Variants in ABCG2 observed in about 807,000 individuals in gnomAD.
ABCG2 encodes the protein ATP binding cassette subfamily G member 2 (JR blood group), also known as broad substrate specificity ATP-binding cassette transporter ABCG2.
Under a neutral mutation model 73.5 loss-of-function variants are expected in ABCG2, and 80 were observed. The ratio of observed to expected loss-of-function variants is 1.09; its 90% CI spans 0.91 to 1.31. The LOEUF (loss-of-function observed/expected upper bound fraction) is 1.31. Ranked by LOEUF, ABCG2 falls within the 50% of genes most tolerant of loss-of-function variation. The pLI, the probability that ABCG2 is intolerant of heterozygous loss-of-function variation, is 0.00. For synonymous variants in ABCG2, 269 were observed against 282.4 expected, an observed-to-expected ratio of 0.95 and a Z score of 0.48; for missense variants, 796 against 786.2, an observed-to-expected ratio of 1.01 and a Z score of -0.15.
chr4:88,227,959 G>T (rs766123645), intron 1 of ABCG2, among the ~76,000 whole-genome samples: 3 of 152,152 alleles, frequency 2.0e-5, no homozygotes, highest in Non-Finnish European at 4.4e-5. Context: ...CCACAGACCA[G>T]CTGTGTGCCT....
chr4:88,177,741 A>G (rs1056949447), intron 1 of ABCG2, among the ~76,000 whole-genome samples: 1 of 152,114 alleles, frequency 6.6e-6, no homozygotes, highest in Non-Finnish European at 1.5e-5. Flanking sequence ...GCCACATACC[A>G]TGGAGAGAGA....
Position 88,097,527 on chromosome 4 carries a change from G to A in ABCG2, c.1573C>T (p.Leu525=), listed in dbSNP as rs2110177993. 2 of 1,614,210 alleles carry A rather than the reference G, an allele frequency of 1.2e-6. No individual in the cohort carries two copies. The highest frequency in any genetic ancestry group is 4.5e-5 in the East Asian group (2 of 44,880). Residue 525 remains leucine (L), a synonymous_variant, in exon 13 of 16, where the codon CTG becomes TTG. Transcript: ENST00000237612. ...MVAYSASSMA[L]AIAAGQSVVS... ...ACACTCTGACCTGCTGCTATGGCCA[G>A]TGCCATGGAACTGGCTGAATAAGCC...
chr4:88,138,644 T>C (rs1342305183), intron 2 of ABCG2, among the ~76,000 whole-genome samples: 2 of 152,112 alleles, frequency 1.3e-5, no homozygotes, highest in African/African-American at 4.8e-5. Flanking sequence ...GGAGAAAGAC[T>C]GGAAATACTA....
chr4:88,135,469 T>C (rs1368257816), intron 2 of ABCG2, among the ~76,000 whole-genome samples: 2 of 152,188 alleles, frequency 1.3e-5, no homozygotes, highest in Admixed American at 1.3e-4. Flanking sequence ...CTTGGTCTTG[T>C]TTTGTTTATG....
At chr4:88,118,010 G>T in intron 7 of ABCG2, 99 bp downstream of exon 7, 1 of 1,189,552 alleles carries the variant, frequency 8.4e-7, no homozygotes, top group Non-Finnish European at 1.2e-6. Context: ...CTCATGGTAT[G>T]TCTACCCAAA....
chr4:88,154,200 C>A (rs191127984), intron 1 of ABCG2, among the ~76,000 whole-genome samples: 2 of 152,296 alleles, frequency 1.3e-5, no homozygotes, highest in East Asian at 3.9e-4. Context: ...GCTAACTTAT[C>A]AGCATAAGCA....
intron 1 of ABCG2, among the ~76,000 whole-genome samples, chr4:88,202,431 C>T (rs541736402): frequency 7.1e-6 from 1 of 140,734 alleles, no homozygotes; most frequent in Non-Finnish European, 1.5e-5. Context: ...TCCTTAAGGT[C>T]CTTGTCACAC....
intron 1 of ABCG2, among the ~76,000 whole-genome samples, chr4:88,181,494 G>C (rs570983762): frequency 1.3e-5 from 2 of 151,894 alleles, no homozygotes; most frequent in South Asian, 2.1e-4. Context: ...ACTTTGGGAG[G>C]CTGAGGCAGA....
chr4:88,132,771 A>C, intron 2 of ABCG2, 136 bp from the exon 3 acceptor site: 1 of 975,982 alleles, frequency 1.0e-6, no homozygotes, highest in Non-Finnish European at 1.6e-6. Context: ...ACTCTTAAAG[A>C]AAACAAACAA....
At chr4:88,189,697 T>C (rs1311538749) in intron 1 of ABCG2, among the ~76,000 whole-genome samples, 3 of 152,188 alleles carry the variant, frequency 2.0e-5, no homozygotes, top group Admixed American at 2.0e-4. Flanking sequence ...ACAGAAATAA[T>C]TTTACTTTCT....
rs779729082 is a variant in ABCG2, at chr4:88,139,961, A to T, written c.35T>A (p.Val12Glu). ...GAAGCCATTGGTGTTTCCTTGTGACACTGGGATAAAAACTTCGACATTACT... is the reference window on the plus strand; with the variant it reads ...GAAGCCATTGGTGTTTCCTTGTGACTCTGGGATAAAAACTTCGACATTACT... ...SSSNVEVFIP[V>E]SQGNTNGFPA... The change falls in exon 2 of 16, where the codon GTG (valine) becomes GAG (glutamate). Residue 12 changes from valine to glutamate, a missense_variant. By Grantham distance (121) the Val-to-Glu change is moderately radical. Coordinates refer to ENST00000237612, the MANE Select transcript of ABCG2 (RefSeq NM_004827.3). The T allele has an allele frequency of 1.2e-6, 2 of 1,614,050 alleles. No individual in the cohort carries two copies. Among genetic ancestry groups the T allele is most frequent in the Admixed American group, 1.7e-5 (1 of 60,004 alleles).
intron 1 of ABCG2, among the ~76,000 whole-genome samples, chr4:88,191,137 C>T (rs990641749): frequency 1.1e-4 from 16 of 145,266 alleles, no homozygotes; most frequent in African/African-American, 1.5e-4. Context: ...CCCAGCTATT[C>T]GGGAGGCTGA....
At chr4:88,107,435 T>C (rs572807252) in intron 9 of ABCG2, among the ~76,000 whole-genome samples, 169 bp from the exon 10 acceptor site, 1 of 152,306 alleles carries the variant, frequency 6.6e-6, no homozygotes, top group South Asian at 2.1e-4. Flanking sequence ...ACAGCATACA[T>C]TATTTAGACT....
chr4:88,099,423 T>C lies in ABCG2; in HGVS notation c.1393A>G (p.Arg465Gly). Residue 465 changes from arginine to glycine, a missense_variant, in exon 12 of 16, where the codon AGA becomes GGA. Physicochemically the swap from Arg to Gly is moderately radical, Grantham distance 125. Coordinates refer to ENST00000237612, the MANE Select transcript of ABCG2 (RefSeq NM_004827.3). ...TTTCCAAGGAAATAAGATGACACTC[T>C]GTAGTATCCGCTGATGTATTCATGT... is the stretch of plus-strand genomic sequence containing the variant. ...FIHEYISGYY[R>G]VSSYFLGKLL... 6.2e-7 allele frequency: 1 copy of C among 1,608,882 alleles called. No individual in the cohort carries two copies. The highest frequency in any genetic ancestry group is 8.5e-7 in the Non-Finnish European group (1 of 1,178,316).
intron 10 of ABCG2, among the ~76,000 whole-genome samples, chr4:88,101,688 G>A (rs934981159): frequency 6.6e-6 from 1 of 152,196 alleles, no homozygotes; most frequent in African/African-American, 2.4e-5. Context: ...AGTGTAATGG[G>A]AAGAGCGTCC....
chr4:88,136,882 G>C (rs796902498), intron 2 of ABCG2, among the ~76,000 whole-genome samples: 16 of 151,326 alleles, frequency 1.1e-4, no homozygotes, highest in African/African-American at 3.2e-4. Flanking sequence ...TGGGCATGGT[G>C]GTGGGCACCT....
intron 1 of ABCG2, among the ~76,000 whole-genome samples, chr4:88,208,384 A>G (rs1729460962): frequency 1.3e-5 from 2 of 152,234 alleles, no homozygotes; most frequent in South Asian, 4.1e-4. Flanking sequence ...ATGAAGGGCC[A>G]CACAGAGCAC....
intron 1 of ABCG2, among the ~76,000 whole-genome samples, chr4:88,217,084 A>G (rs115575145): frequency 0.043 from 6,532 of 152,078 alleles, 216 homozygotes; most frequent in East Asian, 0.077. Context: ...CAGAGCTTCT[A>G]CTAATACCAC....
chr4:88,202,936 A>G (rs537680115), intron 1 of ABCG2, among the ~76,000 whole-genome samples: 2 of 152,292 alleles, frequency 1.3e-5, no homozygotes, highest in South Asian at 4.1e-4. Context: ...GTTTAGTAGC[A>G]CAGAACTTTC....
Sources: gnomAD v4.1 joint callset for allele counts (sites outside exome capture counted in the v4.1 genomes callset) on GRCh38, gnomAD v4.1.1 for gene constraint, MANE v1.5 for transcripts, NCBI Gene and HGNC (gene_info 2026-07-23, HGNC 2026-07-21) for gene names.